The following INTS15 variants were observed in gnomAD, a reference collection of about 807,000 sequenced individuals.
INTS15 encodes the protein integrator complex subunit 15, also known as uncharacterized protein C7orf26.
the INTS15 span, among the ~76,000 whole-genome samples, chr7:6,601,731 A>C: frequency 4.1e-5 from 6 of 145,592 alleles, no homozygotes; most frequent in African/African-American, 1.5e-4. Flanking sequence ...ATCTCGGCTT[A>C]CTGCAACCTC....
chr7:6,595,190 C>T, the INTS15 span, among the ~76,000 whole-genome samples: 7 of 152,208 alleles, frequency 4.6e-5, no homozygotes, highest in East Asian at 1.3e-3. Context: ...TGCCACCACG[C>T]CTGGCTAATT....
chr7:6,591,513 C>G, the INTS15 span: 2 of 707,254 alleles, frequency 2.8e-6, no homozygotes, highest in African/African-American at 1.8e-5. Flanking sequence ...ATTCGCCCAC[C>G]TTGGCCTCCC....
At chr7:6,599,735 G>A in the INTS15 span, 2 of 1,255,320 alleles carry the variant, frequency 1.6e-6, no homozygotes, top group African/African-American at 3.0e-5. Flanking sequence ...GGTGGGCAGT[G>A]CCATGGGCCT....
chr7:6,594,561 T>C, the INTS15 span: 8 of 1,614,108 alleles, frequency 5.0e-6, no homozygotes, highest in East Asian at 1.8e-4. Flanking sequence ...CTGCTGCCAG[T>C]TCATCACCTC....
the INTS15 span, chr7:6,607,645 C>G: frequency 3.4e-6 from 5 of 1,483,304 alleles, no homozygotes; most frequent in African/African-American, 1.4e-5. This position sits in a 1 kb window ranked among gnomAD's most constrained non-coding sequence, Gnocchi z 6.0. Context: ...GCCAGCTGTT[C>G]TGTGTGTCCC....
At chr7:6,602,486 AGC>A in the INTS15 span, among the ~76,000 whole-genome samples, 1 of 152,276 alleles carries the variant, frequency 6.6e-6, no homozygotes, top group East Asian at 1.9e-4. Flanking sequence ...ACAGCCCTAC[AGC>A]ACTGTACGTT....
At chr7:6,590,294 T>G in the INTS15 span, 1 of 1,568,336 alleles carries the variant, frequency 6.4e-7, no homozygotes, top group Non-Finnish European at 8.6e-7. Context: ...ATGAGCGACA[T>G]CCGCCACTCG....
chr7:6,597,896 C>G, the INTS15 span, among the ~76,000 whole-genome samples: 12 of 152,232 alleles, frequency 7.9e-5, no homozygotes, highest in Admixed American at 2.6e-4. Context: ...CTTCAAAGCA[C>G]AAAAAGGAAG....
At chr7:6,606,374 G>A in the INTS15 span, among the ~76,000 whole-genome samples, 603 of 136,084 alleles carry the variant, frequency 4.4e-3, 1 homozygote, top group African/African-American at 0.014. Flanking sequence ...GATGGAGTAT[G>A]GGGGAGTAGA....
At chr7:6,600,321 T>C in the INTS15 span, 1 of 1,613,738 alleles carries the variant, frequency 6.2e-7, no homozygotes, top group East Asian at 2.2e-5. Flanking sequence ...GCTCTGCAGG[T>C]GGCCATGGCC....
At chr7:6,590,413 C>T in the INTS15 span, 3 of 1,605,346 alleles carry the variant, frequency 1.9e-6, no homozygotes, top group South Asian at 1.1e-5. Context: ...GGACAAGGGC[C>T]CCGTGGAGCT....
chr7:6,594,685 C>A, the INTS15 span: 1 of 1,267,002 alleles, frequency 7.9e-7, no homozygotes, highest in Non-Finnish European at 1.1e-6. Context: ...GGTGAAGTGT[C>A]CAGTGAATGC....
the INTS15 span, among the ~76,000 whole-genome samples, chr7:6,601,901 C>T: frequency 6.6e-6 from 1 of 152,080 alleles, no homozygotes; most frequent in South Asian, 2.1e-4. Flanking sequence ...GGGTGATCCA[C>T]CCGCCTCAGC....
At chr7:6,598,789 T>TGTGTA in the INTS15 span, among the ~76,000 whole-genome samples, 4 of 41,168 alleles carry the variant, frequency 9.7e-5, no homozygotes, top group East Asian at 1.9e-3. Flanking sequence ...GTGTGTGTAT[T>TGTGTA]TTTTTTTTTT....
chr7:6,599,709 G>C, the INTS15 span: 1 of 947,358 alleles, frequency 1.1e-6, no homozygotes, highest in South Asian at 1.6e-5. Flanking sequence ...GCCAGGAGGC[G>C]TGATCCAGAC....
chr7:6,598,759 G>A, the INTS15 span, among the ~76,000 whole-genome samples: 1 of 105,820 alleles, frequency 9.5e-6, no homozygotes, highest in Admixed American at 1.0e-4. Flanking sequence ...GTGTGTGTGT[G>A]TGTGTGTGTG....
chr7:6,594,303 G>GC, the INTS15 span: 1 of 883,772 alleles, frequency 1.1e-6, no homozygotes, highest in Non-Finnish European at 1.8e-6. Context: ...ACCACACTCG[G>GC]CCCCATTAAC....
the INTS15 span, chr7:6,594,453 T>C: frequency 1.2e-6 from 2 of 1,614,138 alleles, no homozygotes; most frequent in Non-Finnish European, 1.7e-6. Flanking sequence ...CGTGGTTTAC[T>C]GTGTGAGGTT....
chr7:6,606,763 A>T, the INTS15 span, among the ~76,000 whole-genome samples: 6 of 151,208 alleles, frequency 4.0e-5, no homozygotes, highest in Non-Finnish European at 8.8e-5. Flanking sequence ...CAGTGGCACA[A>T]TCATGGCTCA....
Sources: allele counts gnomAD v4.1 joint callset (sites outside exome capture counted in the v4.1 genomes callset), GRCh38; gene constraint gnomAD v4.1.1; non-coding constraint Gnocchi (gnomAD v3.1); transcripts MANE v1.5; gene names NCBI Gene and HGNC (gene_info 2026-07-23, HGNC 2026-07-21).